The following OTOG variants were observed in gnomAD, a reference collection of about 807,000 sequenced individuals.
The protein encoded by OTOG is otogelin.
OTOG carries 296 observed loss-of-function variants against 313.8 expected under a neutral mutation model. The ratio of observed to expected loss-of-function variants is 0.94; its 90% CI spans 0.86 to 1.04. The LOEUF (loss-of-function observed/expected upper bound fraction) is 1.04. Among genes scored for constraint, OTOG ranks in the 50% least tolerant of loss-of-function variants. OTOG has a pLI of 0.00. For synonymous variants in OTOG, 1,533 were observed against 1,554.9 expected (o/e 0.99, Z 0.33); for missense variants, 3,948 against 3,840.1 (o/e 1.03, Z -0.74).
intron 44 of OTOG, among the ~76,000 whole-genome samples, 163 bp from the exon 45 acceptor site, chr11:17,634,681 C>T (rs562688863): frequency 6.6e-6 from 1 of 152,254 alleles, no homozygotes; most frequent in South Asian, 2.1e-4. Context: ...CCTGAACCCT[C>T]GTGTGACCCT....
intron 40 of OTOG, among the ~76,000 whole-genome samples, chr11:17,629,543 G>C (rs1203809506): frequency 6.6e-6 from 1 of 152,142 alleles, no homozygotes; most frequent in Non-Finnish European, 1.5e-5. Context: ...ACTTCAGCCG[G>C]GATTGTCTGT....
chr11:17,605,820 C>T, intron 32 of OTOG, 37 bp from the exon 33 acceptor site: 1 of 1,504,848 alleles, frequency 6.6e-7, no homozygotes, highest in Non-Finnish European at 8.9e-7. Flanking sequence ...ACCTGGACCT[C>T]TGCCTGTACT....
In OTOG at chr11:17,552,074, C is replaced by T. The variant is rs1261299676; in HGVS notation, c.291C>T (p.Ser97=). The T allele has an allele frequency of 6.6e-5, 102 of 1,550,340 alleles. No homozygotes were observed. The highest frequency in any genetic ancestry group is 8.5e-5 in the Non-Finnish European group (98 of 1,146,836). ...TCCATCGGGCCAAGTGTGCACCATC[C>T]TGTAAGTGGCACCTTCACTGTGGTC... is the stretch of plus-strand genomic sequence containing the variant. ...RRLHRAKCAP[S]YLFSCFNGGE... is the part of the protein sequence containing the mutation. The change falls in exon 4 of 56, where the codon TCC becomes TCT. Residue 97 remains serine (S), a splice_region_variant and synonymous_variant. Transcript: ENST00000399397.
At chr11:17,641,173 C>T (rs1847965131) in intron 51 of OTOG, 82 bp downstream of exon 51, 1 of 1,405,296 alleles carries the variant, frequency 7.1e-7, no homozygotes, top group Admixed American at 2.1e-5. Flanking sequence ...GCCAGAGGGG[C>T]CCTTGAAGCT....
chr11:17,619,179 G>A (rs539096495), intron 39 of OTOG, among the ~76,000 whole-genome samples: 4 of 152,316 alleles, frequency 2.6e-5, no homozygotes, highest in Admixed American at 2.0e-4. Flanking sequence ...GCTGAGGTGG[G>A]AGAATCACCT....
chr11:17,600,900 T>C (rs569100123), intron 31 of OTOG, among the ~76,000 whole-genome samples: 1 of 152,236 alleles, frequency 6.6e-6, no homozygotes, highest in Non-Finnish European at 1.5e-5. Flanking sequence ...TACTAGCATT[T>C]GCTCTGGTCC....
intron 39 of OTOG, among the ~76,000 whole-genome samples, chr11:17,615,406 T>A (rs1853694590): frequency 6.6e-6 from 1 of 152,248 alleles, no homozygotes. Flanking sequence ...ACTGGTGTTG[T>A]ACTTGATGAA....
Position 17,596,147 on chromosome 11 carries a change from A to T in OTOG, c.3518A>T (p.His1173Leu). The change falls in exon 29 of 56, where the codon CAC (histidine) becomes CTC (leucine). Residue 1173 changes from histidine (H) to leucine (L), a missense_variant. His to Leu is a moderately conservative substitution (Grantham distance 99). Coordinates refer to ENST00000399397, the MANE Select transcript of OTOG (RefSeq NM_001292063.2). ...CTCAGTGAGGTGTTTGAGATCTGCC[A>T]CCCTGTGGTGAGTGTACCCCAGCCT... Reference protein sequence around the residue: ...ILLSEVFEICHPVVDVTWFYS... With the variant: ...ILLSEVFEICLPVVDVTWFYS... 6.5e-7 allele frequency: 1 copy of T among 1,549,432 alleles called. No individual in the cohort carries two copies. Among genetic ancestry groups the T allele is most frequent in the Non-Finnish European group, 8.7e-7 (1 of 1,145,984 alleles).
At chr11:17,586,135 G>A (rs1233158711) in intron 23 of OTOG, among the ~76,000 whole-genome samples, 5 of 152,198 alleles carry the variant, frequency 3.3e-5, no homozygotes, top group African/African-American at 7.2e-5. Flanking sequence ...GAGGGTCATC[G>A]CCCATATCCA....
intron 17 of OTOG, 65 bp downstream of exon 17, chr11:17,570,455 G>C: frequency 6.8e-7 from 1 of 1,475,660 alleles, no homozygotes; most frequent in African/African-American, 1.4e-5. Flanking sequence ...TGGGTATCTA[G>C]AGGCACTGCC....
intron 39 of OTOG, among the ~76,000 whole-genome samples, chr11:17,616,400 A>G (rs941562650): frequency 6.6e-6 from 1 of 152,216 alleles, no homozygotes; most frequent in Non-Finnish European, 1.5e-5. Flanking sequence ...ATTTAGAATC[A>G]GCTTTTTGAT....
intron 13 of OTOG, 29 bp from the exon 14 acceptor site, chr11:17,561,062 C>A: frequency 6.4e-7 from 1 of 1,550,474 alleles, no homozygotes; most frequent in Non-Finnish European, 8.7e-7. Flanking sequence ...GAGGGGTGAC[C>A]TCTTGCCTCC....
intron 40 of OTOG, among the ~76,000 whole-genome samples, chr11:17,631,406 T>C (rs1176597006): frequency 6.6e-6 from 1 of 151,362 alleles, no homozygotes; most frequent in East Asian, 1.9e-4. Context: ...GGGTATACAT[T>C]TTTATATGCA....
Position 17,555,777 on chromosome 11 carries a change from A to C in OTOG, c.541-2A>C, listed in dbSNP as rs1852044623. The C allele has an allele frequency of 6.5e-7, 1 of 1,549,818 alleles. No homozygotes were observed. Among genetic ancestry groups the C allele is most frequent in the Non-Finnish European group, 8.7e-7 (1 of 1,146,714 alleles). ...AAACCAGCCTCTGAACTCCCTACTC[A>C]GGTACACAATGACCCGCAGTGTGGC... On this transcript the variant is annotated splice_acceptor_variant, in intron 6 of 55. Transcript: ENST00000399397. LOFTEE classifies it high-confidence loss of function.
chr11:17,639,276 G>A, intron 48 of OTOG, 147 bp from the exon 49 acceptor site: 1 of 750,556 alleles, frequency 1.3e-6, no homozygotes, highest in Non-Finnish European at 2.2e-6. Flanking sequence ...GCTGAGATTT[G>A]GGCCTCTTCC....
At chr11:17,619,632 T>C (rs974532686) in intron 39 of OTOG, among the ~76,000 whole-genome samples, 1 of 152,202 alleles carries the variant, frequency 6.6e-6, no homozygotes, top group Non-Finnish European at 1.5e-5. Flanking sequence ...AATAATATTA[T>C]ATTGCATCAT....
At chr11:17,605,407 A>G (rs1312267172) in intron 32 of OTOG, among the ~76,000 whole-genome samples, 1 of 152,184 alleles carries the variant, frequency 6.6e-6, no homozygotes, top group Non-Finnish European at 1.5e-5. Flanking sequence ...GGGACCCTAT[A>G]GCTTGGCAAA....
Position 17,609,892 on chromosome 11 carries a change from A to T in OTOG, c.4592A>T (p.Gln1531Leu), listed in dbSNP as rs1853482541. 1 of 1,514,266 alleles carries T rather than the reference A, an allele frequency of 6.6e-7. No individual in the cohort carries two copies. Among genetic ancestry groups the T allele is most frequent in the South Asian group, 1.3e-5 (1 of 77,850 alleles). The allele number at this position is 1,514,266 out of a possible 1,614,324, so 93.8% of individuals were successfully genotyped here. ...VSPGPTQTTL[Q>L]QPLELTASQL... is the part of the protein sequence containing the mutation. ...CCAGGCCCCACCCAGACCACCCTGC[A>T]GCAGCCACTGGAGCTCACTGCATCT... The change falls in exon 36 of 56, where the codon CAG (glutamine) becomes CTG (leucine). Residue 1531 changes from glutamine to leucine, a missense_variant. Coordinates refer to ENST00000399397, the MANE Select transcript of OTOG (RefSeq NM_001292063.2).
Position 17,611,130 on chromosome 11 carries a change from C to A in OTOG, c.5830C>A (p.Pro1944Thr). The A allele has an allele frequency of 1.9e-6, 3 of 1,550,588 alleles. No homozygotes were observed. The highest frequency in any genetic ancestry group is 2.6e-6 in the Non-Finnish European group (3 of 1,146,966). The change falls in exon 36 of 56, where the codon CCC (proline) becomes ACC (threonine). Residue 1944 changes from proline (P) to threonine (T), a missense_variant. Pro to Thr is a conservative substitution (Grantham distance 38). Transcript: ENST00000399397. ...LTPATSHPLT[P>T]LVAEPEGAQA... ...GCCTGCTACGAGCCACCCTCTCACGCCCTTGGTGGCTGAGCCCGAGGGAGC... is the reference window on the plus strand; with the variant it reads ...GCCTGCTACGAGCCACCCTCTCACGACCTTGGTGGCTGAGCCCGAGGGAGC...
Sources: allele counts gnomAD v4.1 joint callset (sites outside exome capture counted in the v4.1 genomes callset), GRCh38; gene constraint gnomAD v4.1.1; transcripts MANE v1.5; gene names NCBI Gene and HGNC (gene_info 2026-07-23, HGNC 2026-07-21).